Variants in ANKRD30BL observed in about 807,000 individuals in gnomAD.
The protein encoded by ANKRD30BL is putative ankyrin repeat domain-containing protein 30B-like.
In ANKRD30BL, 20 loss-of-function variants were observed where a neutral mutation model predicts 18.4. That is an observed-to-expected ratio of 1.09 (90% CI 0.77 to 1.58). ANKRD30BL has a LOEUF of 1.58. Ranked by LOEUF, ANKRD30BL falls within the 40% of genes most tolerant of loss-of-function variation. The pLI, the probability that ANKRD30BL is intolerant of heterozygous loss-of-function variation, is 0.00. For missense variants in ANKRD30BL, 224 were observed against 268.6 expected (o/e 0.83, Z 1.16); for synonymous variants, 72 against 100.9 (o/e 0.71, Z 1.72).
chr2:132,232,726 G>T (rs957498223), intron 1 of ANKRD30BL, among the ~76,000 whole-genome samples: 29 of 152,318 alleles, frequency 1.9e-4, no homozygotes, highest in Admixed American at 6.5e-5. Flanking sequence ...ACCTGAAAGT[G>T]ATGGGGAGAA....
intron 1 of ANKRD30BL, among the ~76,000 whole-genome samples, chr2:132,216,274 C>A (rs1573852234): frequency 6.6e-6 from 1 of 152,004 alleles, no homozygotes; most frequent in Non-Finnish European, 1.5e-5. Flanking sequence ...TTTGATTGAG[C>A]AGTCTTGAAA....
intron 5 of ANKRD30BL, among the ~76,000 whole-genome samples, chr2:132,148,928 T>G (rs1045279043): frequency 6.6e-6 from 1 of 152,184 alleles, no homozygotes; most frequent in Non-Finnish European, 1.5e-5. Context: ...TAATGATACC[T>G]GACAGTTATT....
chr2:132,166,234 G>A (rs1185104193), upstream of ANKRD30BL, among the ~76,000 whole-genome samples: 3 of 152,150 alleles, frequency 2.0e-5, no homozygotes, highest in African/African-American at 7.2e-5. Context: ...TTGTTCATGA[G>A]AGATATTGAT....
chr2:132,193,709 A>C (rs1010202426), intron 1 of ANKRD30BL, among the ~76,000 whole-genome samples: 1 of 152,082 alleles, frequency 6.6e-6, no homozygotes, highest in Admixed American at 6.6e-5. Flanking sequence ...TACATATTCT[A>C]TCACAGATCT....
intron 1 of ANKRD30BL, among the ~76,000 whole-genome samples, chr2:132,255,048 A>C (rs1680789186): frequency 1.3e-5 from 2 of 152,156 alleles, no homozygotes; most frequent in South Asian, 2.1e-4. Context: ...CTCGGAACCC[A>C]AAAACCCAAA....
intron 1 of ANKRD30BL, among the ~76,000 whole-genome samples, chr2:132,254,600 G>A (rs547634112): frequency 1.3e-5 from 2 of 152,284 alleles, no homozygotes; most frequent in Non-Finnish European, 2.9e-5. Context: ...TGCAATCCCT[G>A]ATCACCATCG....
intron 1 of ANKRD30BL, among the ~76,000 whole-genome samples, chr2:132,193,574 A>G (rs1194731002): frequency 1.3e-5 from 2 of 152,012 alleles, no homozygotes; most frequent in South Asian, 2.1e-4. Flanking sequence ...GTAATCTACT[A>G]TTTGTATTAC....
chr2:132,255,724 C>T (rs1680812867), intron 1 of ANKRD30BL, among the ~76,000 whole-genome samples: 1 of 152,154 alleles, frequency 6.6e-6, no homozygotes, highest in Admixed American at 6.5e-5. Flanking sequence ...GTGTCTGCTG[C>T]CTTCCTTGAA....
rs573123694 is a variant in ANKRD30BL, at chr2:132,229,215, C to CT, written n.441+28313dup. ...TTTGAAGGACCAGTTTTGAAATACT[C>CT]TTTTTGTAGAATCTGCAAGTGGACC... On this transcript the variant is annotated intron_variant and non_coding_transcript_variant, in intron 1 of 4. Transcript: ENST00000470729. 9.2e-3 allele frequency among the ~76,000 whole-genome samples: 1,405 copies of CT among 152,198 alleles called. 24 individuals carry two copies. Among genetic ancestry groups the CT allele is most frequent in the African/African-American group, 0.031 (1,301 of 41,552 alleles).
chr2:132,158,307 AT>A (rs1289340582), intron 1 of ANKRD30BL, among the ~76,000 whole-genome samples: 2 of 152,134 alleles, frequency 1.3e-5, no homozygotes, highest in African/African-American at 4.8e-5. Context: ...GGTATGGCTT[AT>A]TTTATTCCAT....
chr2:132,220,273 G>C (rs377122728), intron 1 of ANKRD30BL, among the ~76,000 whole-genome samples: 1 of 149,900 alleles, frequency 6.7e-6, no homozygotes, highest in African/African-American at 2.5e-5. Context: ...TTGAAACACT[G>C]TTTTTGGCCT....
At chr2:132,246,246 T>C (rs1386297200) in intron 1 of ANKRD30BL, among the ~76,000 whole-genome samples, 1 of 151,798 alleles carries the variant, frequency 6.6e-6, no homozygotes. Context: ...TTGTAGAATC[T>C]ATAAATGGAA....
chr2:132,220,431 C>T (rs1466437407), intron 1 of ANKRD30BL, among the ~76,000 whole-genome samples: 2 of 151,746 alleles, frequency 1.3e-5, no homozygotes, highest in African/African-American at 4.8e-5. Context: ...CTGGACTGTA[C>T]TGCTGCGATC....
intron 1 of ANKRD30BL, among the ~76,000 whole-genome samples, chr2:132,197,525 T>C (rs1678992558): frequency 6.6e-6 from 1 of 152,010 alleles, no homozygotes; most frequent in Non-Finnish European, 1.5e-5. Flanking sequence ...ATCCTGTATT[T>C]ACTTACTGAC....
intron 1 of ANKRD30BL, among the ~76,000 whole-genome samples, chr2:132,256,475 G>T (rs1680842125): frequency 1.3e-5 from 2 of 152,252 alleles, no homozygotes; most frequent in South Asian, 4.1e-4. Context: ...CTCATGCGCG[G>T]AGGGCGCGGG....
intron 1 of ANKRD30BL, among the ~76,000 whole-genome samples, chr2:132,178,142 C>T (rs1688396736): frequency 1.3e-5 from 2 of 152,154 alleles, no homozygotes; most frequent in Admixed American, 1.3e-4. Context: ...ATTAACTTAG[C>T]ACATTATATG....
intron 1 of ANKRD30BL, among the ~76,000 whole-genome samples, chr2:132,234,311 G>C (rs1028804166): frequency 6.6e-6 from 1 of 152,000 alleles, no homozygotes; most frequent in African/African-American, 2.4e-5. Context: ...TCAAAAGCTA[G>C]CAGAAGGCAA....
chr2:132,225,386 G>A (rs796759687), intron 1 of ANKRD30BL, among the ~76,000 whole-genome samples: 17 of 150,914 alleles, frequency 1.1e-4, no homozygotes, highest in African/African-American at 9.7e-5. Context: ...TTAAACTCAC[G>A]GAGTTGAACA....
At chr2:132,205,398 G>GTTGGGAATC (rs1366495494) in intron 1 of ANKRD30BL, among the ~76,000 whole-genome samples, 1 of 138,364 alleles carries the variant, frequency 7.2e-6, no homozygotes, top group African/African-American at 3.5e-5. Context: ...ATCACCTGAG[G>GTTGGGAATC]TGAGACCAGC....
Sources: gnomAD v4.1 joint callset for allele counts (sites outside exome capture counted in the v4.1 genomes callset) on GRCh38, gnomAD v4.1.1 for gene constraint, MANE v1.5 for transcripts, NCBI Gene and HGNC (gene_info 2026-07-23, HGNC 2026-07-21) for gene names.